KCTD1: variants seen among roughly 807,000 people sequenced by gnomAD.
KCTD1 encodes the protein BTB/POZ domain-containing protein KCTD1.
KCTD1 carries 24 observed loss-of-function variants against 66.0 expected under a neutral mutation model. The observed-to-expected ratio is 0.36, with a 90% CI of 0.26 to 0.51. KCTD1 has a LOEUF of 0.51. KCTD1 is among the 20% of genes least tolerant of loss of function. KCTD1 has a pLI of 0.95. For missense variants in KCTD1, 943 were observed against 1,205.2 expected (o/e 0.78, Z 3.22); for synonymous variants, 511 against 517.2 (o/e 0.99, Z 0.16).
intron 1 of KCTD1, among the ~76,000 whole-genome samples, chr18:26,649,979 T>C (rs1379513507): frequency 6.6e-6 from 1 of 152,200 alleles, no homozygotes; most frequent in African/African-American, 2.4e-5. Flanking sequence ...ACTCCCATTG[T>C]GGGGGTTCAG....
upstream of KCTD1, chr18:26,657,473 C>T: frequency 2.5e-6 from 2 of 804,986 alleles, no homozygotes; most frequent in Non-Finnish European, 3.0e-6. Flanking sequence ...GAGAGAAATG[C>T]AATAGCTTGG....
chr18:26,604,447 G>C (rs113046705), intron 1 of KCTD1, among the ~76,000 whole-genome samples: 1 of 152,174 alleles, frequency 6.6e-6, no homozygotes, highest in Non-Finnish European at 1.5e-5. Context: ...TTACCATAAA[G>C]ACACATGCAC....
At chr18:26,612,599 G>C (rs1987160357) in intron 1 of KCTD1, among the ~76,000 whole-genome samples, 1 of 152,146 alleles carries the variant, frequency 6.6e-6, no homozygotes, top group African/African-American at 2.4e-5. Context: ...AAGAGGCATG[G>C]AACAGACTCT....
chr18:26,576,575 A>C (rs1378725547), intron 1 of KCTD1, among the ~76,000 whole-genome samples: 1 of 152,330 alleles, frequency 6.6e-6, no homozygotes, highest in East Asian at 1.9e-4. Flanking sequence ...GTACATACAG[A>C]GGGGAAAAAA....
At chr18:26,562,056 C>T (rs1316637312) in intron 1 of KCTD1, among the ~76,000 whole-genome samples, 3 of 152,138 alleles carry the variant, frequency 2.0e-5, no homozygotes, top group Non-Finnish European at 2.9e-5. Flanking sequence ...TGCTTACAAC[C>T]AAGAAATCCT....
At chr18:26,531,565 G>A (rs1392665027) in intron 1 of KCTD1, among the ~76,000 whole-genome samples, 1 of 152,110 alleles carries the variant, frequency 6.6e-6, no homozygotes, top group African/African-American at 2.4e-5. Context: ...ATTCAAAACG[G>A]GAGCTATAAA....
intron 1 of KCTD1, among the ~76,000 whole-genome samples, chr18:26,645,412 T>C (rs556204058): frequency 1.3e-5 from 2 of 152,214 alleles, no homozygotes; most frequent in African/African-American, 4.8e-5. Flanking sequence ...TCCTTTTATG[T>C]TTCTCTTTGA....
chr18:26,604,998 C>T (rs554332735), intron 1 of KCTD1, among the ~76,000 whole-genome samples: 3 of 152,252 alleles, frequency 2.0e-5, no homozygotes, highest in East Asian at 1.9e-4. Flanking sequence ...AGCTCACTAC[C>T]CTGCCATCCT....
At chr18:26,549,196 G>T (rs1399432705), upstream of KCTD1, 1 of 986,382 alleles carries the variant, frequency 1.0e-6, no homozygotes, top group East Asian at 1.1e-4. Flanking sequence ...AGCGGGCGAG[G>T]CTTGGGAGCG....
chr18:26,561,168 GAA>G (rs10708413), intron 1 of KCTD1, among the ~76,000 whole-genome samples: 4,604 of 150,624 alleles, frequency 0.031, 113 homozygotes, highest in African/African-American at 0.057. Context: ...CCCATTTGCT[GAA>G]AAAAAAAAAC....
rs953318921 is a variant in KCTD1 at position 26,547,473 on chromosome 18, T to C, written c.1064A>G (p.His355Arg). ...FVYFKSLGPY[H>R]KSRSSSWSKK... The stretch of plus-strand genomic sequence containing the variant: ...GCTCCACGACGACGAGCGCGACTTG[T>C]GGTAGGGCCCGAGGGACTTGAAGTA... Residue 355 changes from histidine (H) to arginine (R), a missense_variant, in exon 1 of 5, where the codon CAC becomes CGC. Physicochemically the swap from His to Arg is conservative, Grantham distance 29 (BLOSUM62 0). Coordinates refer to ENST00000580059, the MANE Select transcript of KCTD1 (RefSeq NM_001142730.3). The C allele has an allele frequency of 7.7e-6, 12 of 1,551,450 alleles. No homozygotes were observed. Among genetic ancestry groups the C allele is most frequent in the Non-Finnish European group, 1.0e-5 (12 of 1,146,956 alleles).
intron 2 of KCTD1, among the ~76,000 whole-genome samples, chr18:26,494,960 C>G (rs1479252023): frequency 6.6e-6 from 1 of 152,196 alleles, no homozygotes; most frequent in Non-Finnish European, 1.5e-5. Context: ...CTAAAAATCC[C>G]TAATACCTAT....
intron 2 of KCTD1, among the ~76,000 whole-genome samples, chr18:26,495,398 C>T (rs926680053): frequency 3.3e-5 from 5 of 152,080 alleles, no homozygotes; most frequent in Admixed American, 1.3e-4. Flanking sequence ...ATAAGCAATC[C>T]GGTAATGGCT....
chr18:26,488,878 T>C (rs1206957653), intron 2 of KCTD1, among the ~76,000 whole-genome samples: 1 of 152,238 alleles, frequency 6.6e-6, no homozygotes, highest in African/African-American at 2.4e-5. Context: ...CTTGAATAGA[T>C]TCAGACAGTC....
intron 3 of KCTD1, among the ~76,000 whole-genome samples, chr18:26,469,070 C>T (rs1980908148): frequency 6.6e-6 from 1 of 152,154 alleles, no homozygotes; most frequent in Non-Finnish European, 1.5e-5. Flanking sequence ...CCTCCCAGGT[C>T]CCAGAACACC....
chr18:26,514,841 A>C (rs981937263), intron 1 of KCTD1, among the ~76,000 whole-genome samples: 2 of 152,240 alleles, frequency 1.3e-5, no homozygotes, highest in African/African-American at 2.4e-5. Context: ...ACCTGGTATT[A>C]GCACAGGAGA....
intron 2 of KCTD1, among the ~76,000 whole-genome samples, chr18:26,497,360 C>T (rs1289210923): frequency 6.6e-6 from 1 of 151,948 alleles, no homozygotes; most frequent in Non-Finnish European, 1.5e-5. Flanking sequence ...AGAGAATGGT[C>T]CCATAGGGTA....
chr18:26,524,246 T>C (rs1984050314), intron 1 of KCTD1, among the ~76,000 whole-genome samples: 1 of 152,176 alleles, frequency 6.6e-6, no homozygotes, highest in Admixed American at 6.5e-5. Flanking sequence ...ACATCCACCC[T>C]TACTTATGGG....
upstream of KCTD1, among the ~76,000 whole-genome samples, chr18:26,551,940 C>T (rs79775605): frequency 0.013 from 2,024 of 152,344 alleles, 49 homozygotes; most frequent in African/African-American, 0.046. Flanking sequence ...CCGGTCACCC[C>T]TTTGAAAGGA....
Sources: gnomAD v4.1 joint callset for allele counts (sites outside exome capture counted in the v4.1 genomes callset) on GRCh38, gnomAD v4.1.1 for gene constraint, MANE v1.5 for transcripts, NCBI Gene and HGNC (gene_info 2026-07-23, HGNC 2026-07-21) for gene names.